The following NBAS variants were observed in gnomAD, a reference collection of about 807,000 sequenced individuals.
NBAS encodes the protein NBAS subunit of NRZ tethering complex, also known as NAG/BC035112 fusion.
NBAS carries 219 observed loss-of-function variants against 302.5 expected under a neutral mutation model. The ratio of observed to expected loss-of-function variants is 0.72; its 90% CI spans 0.65 to 0.81. The LOEUF (loss-of-function observed/expected upper bound fraction) is 0.81. Among genes scored for constraint, NBAS ranks in the 30% least tolerant of loss-of-function variants. The pLI is 0.00. For synonymous variants in NBAS, 1,118 were observed against 1,021.6 expected, an observed-to-expected ratio of 1.09 and a Z score of -1.80; for missense variants, 2,932 against 2,841.6, an observed-to-expected ratio of 1.03 and a Z score of -0.72.
chr2:14,837,671 A>T, the NBAS span, among the ~76,000 whole-genome samples: 32 of 151,496 alleles, frequency 2.1e-4, 1 homozygote, highest in African/African-American at 7.0e-4. Flanking sequence ...ACTCCATTGA[A>T]ATCTACCTTC....
At chr2:14,821,388 T>C in the NBAS span, among the ~76,000 whole-genome samples, 1 of 152,190 alleles carries the variant, frequency 6.6e-6, no homozygotes, top group Non-Finnish European at 1.5e-5. Flanking sequence ...CTGATGATAT[T>C]CTTGCCTGAC....
intron 44 of NBAS, among the ~76,000 whole-genome samples, chr2:15,263,841 G>A (rs183721407): frequency 6.6e-6 from 1 of 152,206 alleles, no homozygotes; most frequent in East Asian, 1.9e-4. Flanking sequence ...CATTTATGAA[G>A]AGATCTCCCT....
At chr2:15,168,542 G>A (rs1482305220) in intron 51 of NBAS, among the ~76,000 whole-genome samples, 3 of 152,274 alleles carry the variant, frequency 2.0e-5, no homozygotes, top group Admixed American at 2.0e-4. Flanking sequence ...GCCAATACTT[G>A]GGAGTATGAC....
At chr2:14,938,582 A>G in the NBAS span, among the ~76,000 whole-genome samples, 1 of 152,258 alleles carries the variant, frequency 6.6e-6, no homozygotes, top group African/African-American at 2.4e-5. Context: ...CAAAGTATCA[A>G]GAATACCAGA....
chr2:14,893,453 TTTC>T, the NBAS span, among the ~76,000 whole-genome samples: 1 of 152,370 alleles, frequency 6.6e-6, no homozygotes, highest in South Asian at 2.1e-4. Flanking sequence ...TCTTTTTGTC[TTTC>T]TTCTATAAAA....
the NBAS span, among the ~76,000 whole-genome samples, chr2:15,011,032 C>G: frequency 6.6e-6 from 1 of 152,146 alleles, no homozygotes; most frequent in African/African-American, 2.4e-5. Context: ...ATTGTTGTTG[C>G]TATTGTTTTA....
the NBAS span, among the ~76,000 whole-genome samples, chr2:14,843,343 A>C: frequency 6.6e-6 from 1 of 152,148 alleles, no homozygotes; most frequent in Non-Finnish European, 1.5e-5. Flanking sequence ...GAAATAAACA[A>C]AGGGCACATA....
At chr2:15,312,273 T>G (rs1671313678) in intron 38 of NBAS, among the ~76,000 whole-genome samples, 1 of 152,152 alleles carries the variant, frequency 6.6e-6, no homozygotes, top group South Asian at 2.1e-4. Context: ...TACATTCTTT[T>G]TTTTTCTTTA....
the NBAS span, among the ~76,000 whole-genome samples, chr2:15,118,774 G>T: frequency 2.0e-4 from 30 of 152,276 alleles, no homozygotes; most frequent in African/African-American, 6.7e-4. Context: ...CCCAGTCCCA[G>T]GAGATGTCAC....
chr2:14,822,537 G>A, the NBAS span, among the ~76,000 whole-genome samples: 1 of 152,076 alleles, frequency 6.6e-6, no homozygotes, highest in Non-Finnish European at 1.5e-5. Flanking sequence ...ACCTCCAAAG[G>A]TCATGAACCC....
intron 28 of NBAS, chr2:15,393,595 G>T: frequency 3.0e-6 from 1 of 334,576 alleles, no homozygotes; most frequent in Non-Finnish European, 6.1e-6. Context: ...TTCATCCTTA[G>T]GTATTTGTCT....
chr2:14,790,489 C>A, the NBAS span, among the ~76,000 whole-genome samples: 38 of 152,112 alleles, frequency 2.5e-4, no homozygotes, highest in African/African-American at 9.2e-4. Context: ...AGATTTCTTT[C>A]GAAAAAGTCC....
At chr2:15,167,460 G>A (rs780489162) in intron 51 of NBAS, 137 bp from the exon 52 acceptor site, 16 of 1,074,538 alleles carry the variant, frequency 1.5e-5, no homozygotes, top group African/African-American at 3.1e-5. Flanking sequence ...TGTGGGTCAC[G>A]AGCACCTCTG....
the NBAS span, among the ~76,000 whole-genome samples, chr2:14,822,849 A>T: frequency 6.6e-6 from 1 of 152,218 alleles, no homozygotes; most frequent in Non-Finnish European, 1.5e-5. Context: ...CATAACAATT[A>T]TTGAAAATCT....
At chr2:14,964,098 C>G in the NBAS span, among the ~76,000 whole-genome samples, 6 of 152,118 alleles carry the variant, frequency 3.9e-5, no homozygotes, top group Non-Finnish European at 2.9e-5. Flanking sequence ...GTATACAATA[C>G]CAAACACTGA....
At chr2:15,286,622 T>C (rs1670056128) in intron 42 of NBAS, among the ~76,000 whole-genome samples, 1 of 152,212 alleles carries the variant, frequency 6.6e-6, no homozygotes, top group Non-Finnish European at 1.5e-5. Context: ...TGTCGTTAAT[T>C]CCAACCCAAT....
the NBAS span, among the ~76,000 whole-genome samples, chr2:14,840,330 A>G: frequency 3.2e-4 from 48 of 152,058 alleles, no homozygotes; most frequent in African/African-American, 1.1e-3. Flanking sequence ...AGTGTCCAAG[A>G]GGGAACTGAG....
chr2:15,036,004 TTAAAA>T, the NBAS span, among the ~76,000 whole-genome samples: 122,130 of 151,982 alleles, frequency 0.8, 49,610 homozygotes, highest in East Asian at 1. Flanking sequence ...ACCCCAGAAC[TTAAAA>T]TAAAGTATGC....
the NBAS span, among the ~76,000 whole-genome samples, chr2:14,847,097 T>C: frequency 4.6e-5 from 7 of 151,958 alleles, no homozygotes; most frequent in Admixed American, 2.0e-4. Context: ...AAGACAAACA[T>C]AGACGGCCGG....
Sources: allele counts gnomAD v4.1 joint callset (sites outside exome capture counted in the v4.1 genomes callset), GRCh38; gene constraint gnomAD v4.1.1; transcripts MANE v1.5; gene names NCBI Gene and HGNC (gene_info 2026-07-23, HGNC 2026-07-21).